Variants in PLS1 observed in about 807,000 individuals in gnomAD.
The protein encoded by PLS1 is plastin 1, also known as plastin-1.
Under a neutral mutation model 73.7 loss-of-function variants are expected in PLS1, and 32 were observed. That is an observed-to-expected ratio of 0.43 (90% confidence interval 0.33 to 0.58). The LOEUF (loss-of-function observed/expected upper bound fraction) is 0.58, where lower values mean the gene tolerates loss of function less well. PLS1 is among the 20% of genes least tolerant of loss of function. The pLI, the probability that PLS1 is intolerant of heterozygous loss-of-function variation, is 0.04. For synonymous variants in PLS1, 217 were observed against 261.3 expected (o/e 0.83, Z 1.63); for missense variants, 633 against 740.5 (o/e 0.85, Z 1.68).
At chr3:142,619,440 C>G (rs961307973) in intron 1 of PLS1, 1 of 152,146 alleles carries the variant, frequency 6.6e-6, no homozygotes, top group African/African-American at 2.4e-5. Flanking sequence ...GTTTTGACAC[C>G]TACTTATTCT....
intron 1 of PLS1, among the ~76,000 whole-genome samples, chr3:142,612,038 A>C (rs763873537): frequency 6.6e-6 from 1 of 152,244 alleles, no homozygotes; most frequent in East Asian, 1.9e-4. Flanking sequence ...CTAGGTACTG[A>C]AATATATGTG....
At chr3:142,653,773 A>G (rs2037155968) in intron 1 of PLS1, among the ~76,000 whole-genome samples, 1 of 152,192 alleles carries the variant, frequency 6.6e-6, no homozygotes, top group South Asian at 2.1e-4. Flanking sequence ...ATTTAAACAG[A>G]AAGTGAATTA....
intron 12 of PLS1, among the ~76,000 whole-genome samples, chr3:142,701,658 G>C (rs2038334541): frequency 6.6e-6 from 1 of 152,110 alleles, no homozygotes; most frequent in South Asian, 2.1e-4. Flanking sequence ...CCTATTTCCA[G>C]TTTCTCTTTC....
At chr3:142,624,272 T>A (rs2036374169) in intron 1 of PLS1, among the ~76,000 whole-genome samples, 1 of 152,172 alleles carries the variant, frequency 6.6e-6, no homozygotes, top group Non-Finnish European at 1.5e-5. Context: ...CACTGTTTCA[T>A]TGAATTTGGG....
At chr3:142,601,222 GC>G (rs2035923139) in intron 1 of PLS1, among the ~76,000 whole-genome samples, 1 of 151,424 alleles carries the variant, frequency 6.6e-6, no homozygotes, top group African/African-American at 2.4e-5. Context: ...ACCGCGCCCG[GC>G]CTATATTTTT....
At chr3:142,597,978 C>T (rs1298168840) in intron 1 of PLS1, among the ~76,000 whole-genome samples, 2 of 152,228 alleles carry the variant, frequency 1.3e-5, no homozygotes, top group Non-Finnish European at 2.9e-5. Context: ...CTCCTTCCTT[C>T]CCTCAGTCAC....
intron 1 of PLS1, among the ~76,000 whole-genome samples, chr3:142,602,888 T>C (rs1279044464): frequency 2.0e-5 from 3 of 152,176 alleles, no homozygotes; most frequent in Non-Finnish European, 4.4e-5. Context: ...GGTTTCACCA[T>C]GTTGGCCAGG....
At chr3:142,597,408 G>A (rs1166387770) in intron 1 of PLS1, 1 of 152,064 alleles carries the variant, frequency 6.6e-6, no homozygotes, top group African/African-American at 2.4e-5. Context: ...GTTGAATTAT[G>A]TAATGAAATT....
At chr3:142,679,044 T>C (rs1470262031) in intron 6 of PLS1, among the ~76,000 whole-genome samples, 4 of 151,488 alleles carry the variant, frequency 2.6e-5, no homozygotes, top group African/African-American at 2.4e-5. Flanking sequence ...CATTTTTTCA[T>C]GTGTTTTTTG....
chr3:142,679,113 T>C lies in PLS1; in HGVS notation c.579+1000T>C, dbSNP rs1342776437. Reference sequence around the variant, plus strand: ...TTCATGTCCTTCACCCACTTTTTGATGGGGTTGTTTGTTTTTTTCTTGTAA... The same window carrying C: ...TTCATGTCCTTCACCCACTTTTTGACGGGGTTGTTTGTTTTTTTCTTGTAA... On this transcript the variant is annotated intron_variant, in intron 6 of 15. Coordinates refer to ENST00000457734, the MANE Select transcript of PLS1 (RefSeq NM_001145319.2). 7.2e-5 allele frequency among the ~76,000 whole-genome samples: 11 copies of C among 151,742 alleles called. No individual in the cohort carries two copies. In the East Asian group the frequency reaches 2.1e-3, roughly 29 times the overall value.
At chr3:142,708,610 A>C (rs1932963874) in intron 14 of PLS1, among the ~76,000 whole-genome samples, 1 of 152,240 alleles carries the variant, frequency 6.6e-6, no homozygotes, top group Admixed American at 6.5e-5. Flanking sequence ...ATACATATCA[A>C]ATAGAGGGAA....
chr3:142,683,878 T>C (rs538194595), intron 6 of PLS1, 128 bp from the exon 7 acceptor site: 22 of 635,548 alleles, frequency 3.5e-5, no homozygotes, highest in Non-Finnish European at 5.3e-5. Flanking sequence ...AGTAGTGGTA[T>C]TTTCGTTGTA....
intron 1 of PLS1, among the ~76,000 whole-genome samples, chr3:142,621,624 G>A (rs961698710): frequency 9.2e-5 from 14 of 152,142 alleles, no homozygotes; most frequent in Non-Finnish European, 1.9e-4. Flanking sequence ...AAGAAAGATT[G>A]AAAATTTATA....
intron 1 of PLS1, among the ~76,000 whole-genome samples, chr3:142,624,786 T>C (rs2108568455): frequency 6.6e-6 from 1 of 152,302 alleles, no homozygotes; most frequent in Non-Finnish European, 1.5e-5. Flanking sequence ...GTGAGTGCCC[T>C]GGGAAAATTT....
At chr3:142,649,335 C>CAA (rs3055060) in intron 1 of PLS1, among the ~76,000 whole-genome samples, 2,427 of 93,440 alleles carry the variant, frequency 0.026, 229 homozygotes, top group African/African-American at 0.099. Flanking sequence ...GACCCTATGT[C>CAA]AAAAAAAAAA....
At chr3:142,674,485 G>A (rs188815425) in intron 4 of PLS1, among the ~76,000 whole-genome samples, 114 of 152,268 alleles carry the variant, frequency 7.5e-4, no homozygotes, top group Non-Finnish European at 1.3e-3. Flanking sequence ...GCTACCCTCT[G>A]ATGGAAATGG....
At chr3:142,642,973 C>T (rs1310110799) in intron 1 of PLS1, among the ~76,000 whole-genome samples, 7 of 152,154 alleles carry the variant, frequency 4.6e-5, no homozygotes, top group Non-Finnish European at 1.0e-4. Context: ...CCATTTCCCA[C>T]CCAGGATTAT....
intron 1 of PLS1, among the ~76,000 whole-genome samples, chr3:142,613,794 A>T (rs1437737481): frequency 2.6e-5 from 4 of 152,216 alleles, no homozygotes; most frequent in African/African-American, 9.7e-5. Flanking sequence ...CTTTTATTGC[A>T]CTGTGATTGT....
At chr3:142,598,048 A>G (rs1207758589) in intron 1 of PLS1, among the ~76,000 whole-genome samples, 1 of 152,172 alleles carries the variant, frequency 6.6e-6, no homozygotes, top group Non-Finnish European at 1.5e-5. Context: ...AGTCCTGCTC[A>G]TGCTGCAAGG....
Sources: allele counts gnomAD v4.1 joint callset (sites outside exome capture counted in the v4.1 genomes callset), GRCh38; gene constraint gnomAD v4.1.1; transcripts MANE v1.5; gene names NCBI Gene and HGNC (gene_info 2026-07-23, HGNC 2026-07-21).